NPHP1: variants seen among roughly 807,000 people sequenced by gnomAD.
NPHP1 encodes nephrocystin 1, also known as nephrocystin-1.
A neutral mutation model predicts 90.4 loss-of-function variants in NPHP1; 70 were observed. That is an observed-to-expected ratio of 0.77 (90% confidence interval 0.64 to 0.95). The LOEUF is 0.95. Ranked by LOEUF, NPHP1 falls within the 40% of genes least tolerant of loss-of-function variation. The probability of loss-of-function intolerance (pLI) is 0.00; values close to 1 mark genes in which losing one functional copy is unlikely to be tolerated. For missense variants in NPHP1, 764 were observed against 795.9 expected (o/e 0.96, Z 0.48); for synonymous variants, 256 against 271.7 (o/e 0.94, Z 0.57).
intron 10 of NPHP1, 28 bp from the exon 11 acceptor site, chr2:110,160,283 T>C (rs1559071699): frequency 1.3e-6 from 2 of 1,536,812 alleles, no homozygotes; most frequent in Non-Finnish European, 1.8e-6. Context: ...TATAAAAAAG[T>C]TTATTTTTAT....
intron 11 of NPHP1, among the ~76,000 whole-genome samples, chr2:110,157,679 C>T (rs1312604618): frequency 6.6e-6 from 1 of 152,066 alleles, no homozygotes; most frequent in Non-Finnish European, 1.5e-5. Context: ...CACCAAGCTT[C>T]GTTGATTTTT....
chr2:110,142,228 G>A (rs1435107117), intron 16 of NPHP1, among the ~76,000 whole-genome samples: 1 of 152,018 alleles, frequency 6.6e-6, no homozygotes, highest in Non-Finnish European at 1.5e-5. Flanking sequence ...ATCTATCAAA[G>A]GGAATTCAGA....
intron 16 of NPHP1, among the ~76,000 whole-genome samples, chr2:110,135,402 G>T (rs977432497): frequency 6.7e-6 from 1 of 148,882 alleles, no homozygotes. Context: ...GCGTGAACCC[G>T]GGAGGCGGAG....
intron 16 of NPHP1, among the ~76,000 whole-genome samples, chr2:110,136,049 T>C (rs1339647387): frequency 1.3e-5 from 2 of 152,172 alleles, no homozygotes; most frequent in Non-Finnish European, 2.9e-5. Context: ...ATCCAGCATA[T>C]AAACAGAACC....
At chr2:110,169,050 A>C (rs1682922296) in intron 5 of NPHP1, among the ~76,000 whole-genome samples, 1 of 152,054 alleles carries the variant, frequency 6.6e-6, no homozygotes, top group African/African-American at 2.4e-5. Flanking sequence ...AATAACACTC[A>C]CTCATTTATA....
intron 6 of NPHP1, 98 bp from the exon 7 acceptor site, chr2:110,165,253 A>C: frequency 5.3e-6 from 5 of 941,310 alleles, no homozygotes; most frequent in Non-Finnish European, 8.5e-6. Flanking sequence ...TAAAAACAAA[A>C]ACAAGCTTTT....
intron 2 of NPHP1, among the ~76,000 whole-genome samples, chr2:110,185,364 C>A (rs1156916846): frequency 6.6e-6 from 1 of 152,168 alleles, no homozygotes. Flanking sequence ...GAGGAACTAC[C>A]CACGATGGTG....
At chr2:110,124,187 C>T (rs979607909) in intron 19 of NPHP1, 124 bp from the exon 20 acceptor site, 22 of 1,047,202 alleles carry the variant, frequency 2.1e-5, no homozygotes, top group Non-Finnish European at 2.5e-5. Flanking sequence ...TGGCAGGTAT[C>T]GGCTCTGAGC....
chr2:110,179,548 TGA>T (rs1232968653), intron 3 of NPHP1, 74 bp downstream of exon 3: 8 of 756,676 alleles, frequency 1.1e-5, no homozygotes, highest in Non-Finnish European at 1.8e-5. Context: ...CTTACCAACT[TGA>T]ATTAACTTCC....
intron 4 of NPHP1, among the ~76,000 whole-genome samples, chr2:110,170,776 A>C (rs887005372): frequency 1.3e-4 from 20 of 152,140 alleles, no homozygotes; most frequent in African/African-American, 4.6e-4. Flanking sequence ...GGCTATAATT[A>C]GGTCTTGAGA....
chr2:110,200,252 C>T (rs1427523844), intron 2 of NPHP1, among the ~76,000 whole-genome samples: 1 of 147,488 alleles, frequency 6.8e-6, no homozygotes, highest in East Asian at 2.0e-4. Context: ...GAGACTCTAT[C>T]TCAAAAAAAA....
intron 4 of NPHP1, among the ~76,000 whole-genome samples, chr2:110,173,230 C>T (rs1683287362): frequency 6.6e-6 from 1 of 152,066 alleles, no homozygotes; most frequent in Non-Finnish European, 1.5e-5. Context: ...AGCCACCGCA[C>T]CTGGCCACAT....
rs2104445870 is a variant in NPHP1 at position 110,134,161 on chromosome 2, GGATATTACTATT to G, written c.1530-2382_1530-2371del. ...CAACTAAAATCAGAAATGAAAGAGGGGATATTACTATTGATTTTACAGAAATAAAAAATGTGT... is the reference window on the plus strand; with the variant it reads ...CAACTAAAATCAGAAATGAAAGAGGGGATTTTACAGAAATAAAAAATGTGT... On this transcript the variant is annotated intron_variant, in intron 16 of 19. Transcript: ENST00000445609. Among the ~76,000 whole-genome samples the G allele has an allele frequency of 1.3e-5, 2 of 151,864 alleles. 1 individual carries two copies. Among genetic ancestry groups the G allele is most frequent in the South Asian group, 4.2e-4 (2 of 4,808 alleles).
chr2:110,194,897 C>G (rs1044110443), intron 2 of NPHP1, among the ~76,000 whole-genome samples: 2 of 136,198 alleles, frequency 1.5e-5, no homozygotes, highest in Admixed American at 1.5e-4. Flanking sequence ...ACAGAACCAA[C>G]GACAAAAACC....
chr2:110,201,361 A>G, intron 2 of NPHP1, 60 bp downstream of exon 2: 1 of 1,022,482 alleles, frequency 9.8e-7, no homozygotes, highest in South Asian at 1.3e-5. Flanking sequence ...TGCCTTAAAT[A>G]CTATGCATTG....
At chr2:110,165,835 G>A (rs1050068507) in intron 6 of NPHP1, among the ~76,000 whole-genome samples, 3 of 151,928 alleles carry the variant, frequency 2.0e-5, no homozygotes, top group African/African-American at 7.3e-5. Flanking sequence ...AAAATGATAA[G>A]CACTCAAGGT....
chr2:110,151,080 C>T (rs995137763), intron 11 of NPHP1, among the ~76,000 whole-genome samples: 7 of 148,368 alleles, frequency 4.7e-5, no homozygotes, highest in East Asian at 4.1e-4. Flanking sequence ...GCAGGAGAAT[C>T]GCTGGAACCT....
chr2:110,133,477 C>T (rs10196865), intron 16 of NPHP1, among the ~76,000 whole-genome samples: 10,368 of 152,030 alleles, frequency 0.068, 453 homozygotes, highest in African/African-American at 0.13. Flanking sequence ...ATCCTACTTT[C>T]GATAAGGTAT....
At chr2:110,192,617 G>A (rs1056939331) in intron 2 of NPHP1, among the ~76,000 whole-genome samples, 7 of 152,084 alleles carry the variant, frequency 4.6e-5, no homozygotes, top group Non-Finnish European at 8.8e-5. Context: ...CCCCAATCTA[G>A]CAAGGCAGGC....
Sources: gnomAD v4.1 joint callset for allele counts (sites outside exome capture counted in the v4.1 genomes callset) on GRCh38, gnomAD v4.1.1 for gene constraint, MANE v1.5 for transcripts, NCBI Gene and HGNC (gene_info 2026-07-23, HGNC 2026-07-21) for gene names.